SDK1: variants seen among roughly 807,000 people sequenced by gnomAD.
SDK1 encodes protein sidekick-1.
SDK1 carries 157 observed loss-of-function variants against 245.5 expected under a neutral mutation model. The observed-to-expected ratio is 0.64, with a 90% CI of 0.56 to 0.73. The LOEUF (loss-of-function observed/expected upper bound fraction) is 0.73. Ranked by LOEUF, SDK1 falls within the 30% of genes least tolerant of loss-of-function variation. SDK1 has a pLI of 0.00. For missense variants in SDK1, 3,583 were observed against 3,002.3 expected (o/e 1.19, Z -4.52); for synonymous variants, 1,647 against 1,278.5 (o/e 1.29, Z -6.15).
chr7:3,747,412 CA>C (rs142290178), intron 4 of SDK1, among the ~76,000 whole-genome samples: 7,882 of 152,210 alleles, frequency 0.052, 587 homozygotes, highest in African/African-American at 0.17. Context: ...GTGTATGTAA[CA>C]TTCTGACAGT....
rs73294214 is a variant in SDK1, at chr7:3,364,873, C to T, written c.298+62989C>T. On this transcript the variant is annotated intron_variant, in intron 1 of 44. Coordinates refer to ENST00000404826, the MANE Select transcript of SDK1 (RefSeq NM_152744.4). The stretch of plus-strand genomic sequence containing the variant: ...ATCTTTGGAAGAATTGACATCTTTA[C>T]TGTGTTGAGTCTTCCAATCTATGAA... 5.9e-3 allele frequency among the ~76,000 whole-genome samples: 903 copies of T among 152,230 alleles called. 10 individuals carry two copies. Among genetic ancestry groups the T allele is most frequent in the African/African-American group, 0.021 (874 of 41,528 alleles).
chr7:3,868,718 T>C (rs1241054211), intron 5 of SDK1, among the ~76,000 whole-genome samples: 1 of 152,192 alleles, frequency 6.6e-6, no homozygotes, highest in Non-Finnish European at 1.5e-5. Flanking sequence ...CACCTTTTAT[T>C]GTGTGTCTTC....
intron 5 of SDK1, among the ~76,000 whole-genome samples, chr7:3,949,684 A>G (rs1406357777): frequency 6.6e-6 from 1 of 152,220 alleles, no homozygotes; most frequent in Non-Finnish European, 1.5e-5. Flanking sequence ...AGTAAAGTGT[A>G]CTGTGGGTAG....
At chr7:3,915,712 C>G (rs968105884) in intron 5 of SDK1, among the ~76,000 whole-genome samples, 2 of 152,134 alleles carry the variant, frequency 1.3e-5, no homozygotes, top group African/African-American at 2.4e-5. Context: ...CCCTCTGTGG[C>G]TGACTCCAAG....
In SDK1 at chr7:4,027,983, GAAGA is replaced by G. The variant is rs1336108108; in HGVS notation, c.2602+10639_2602+10642del. Among the ~76,000 whole-genome samples the G allele has an allele frequency of 3.9e-5, 6 of 151,914 alleles. No individual in the cohort carries two copies. In the East Asian group the frequency reaches 7.8e-4, roughly 20 times the overall value. On this transcript the variant is annotated intron_variant, in intron 17 of 44. Transcript: ENST00000404826. ...GAATGGAGGAGGGGAGGGAGAGAGG[GAAGA>G]AAGAAAGGAGCAGAGAGGAAGGTAG... is the stretch of plus-strand genomic sequence containing the variant.
chr7:4,100,958 C>T (rs1391741373), intron 22 of SDK1, among the ~76,000 whole-genome samples: 1 of 152,162 alleles, frequency 6.6e-6, no homozygotes, highest in Non-Finnish European at 1.5e-5. Flanking sequence ...GAGGCCTGCC[C>T]CAGGCTGAAC....
chr7:3,374,770 C>G (rs1250703080), intron 1 of SDK1, among the ~76,000 whole-genome samples: 1 of 152,138 alleles, frequency 6.6e-6, no homozygotes, highest in Non-Finnish European at 1.5e-5. Context: ...GTCTCAGATT[C>G]AGTAATATTT....
chr7:3,336,934 G>A (rs1033933260), intron 1 of SDK1, among the ~76,000 whole-genome samples: 1 of 152,182 alleles, frequency 6.6e-6, no homozygotes, highest in African/African-American at 2.4e-5. Flanking sequence ...TGGTATTAAT[G>A]CCTTTTTAGC....
At chr7:3,484,637 A>G (rs1477373646) in intron 1 of SDK1, among the ~76,000 whole-genome samples, 1 of 152,122 alleles carries the variant, frequency 6.6e-6, no homozygotes, top group African/African-American at 2.4e-5. Flanking sequence ...TTGTATCCAT[A>G]ACCAACCTCG....
chr7:3,480,656 A>T (rs1379797195), intron 1 of SDK1, among the ~76,000 whole-genome samples: 1 of 152,176 alleles, frequency 6.6e-6, no homozygotes, highest in African/African-American at 2.4e-5. Flanking sequence ...GTTTGGATAT[A>T]CCTATGGGTC....
At chr7:3,509,685 C>A (rs528244895) in intron 1 of SDK1, among the ~76,000 whole-genome samples, 110 of 152,312 alleles carry the variant, frequency 7.2e-4, no homozygotes, top group African/African-American at 2.6e-3. Context: ...CAACACTTAA[C>A]CTCTGTTTAA....
intron 4 of SDK1, among the ~76,000 whole-genome samples, chr7:3,794,590 C>T (rs1200207857): frequency 2.0e-5 from 3 of 152,100 alleles, no homozygotes; most frequent in South Asian, 2.1e-4. Context: ...GAAGAGGGAC[C>T]TAAGTTCGCA....
intron 1 of SDK1, among the ~76,000 whole-genome samples, chr7:3,359,141 T>C (rs1780886483): frequency 6.6e-6 from 1 of 152,138 alleles, no homozygotes; most frequent in Non-Finnish European, 1.5e-5. Context: ...GAGTCCCATT[T>C]GGTGCTTTTC....
intron 1 of SDK1, among the ~76,000 whole-genome samples, chr7:3,609,146 T>C (rs1442808308): frequency 6.6e-6 from 1 of 152,212 alleles, no homozygotes; most frequent in Non-Finnish European, 1.5e-5. Context: ...TTTTAAGGAA[T>C]TAATAACTTT....
chr7:3,632,891 C>T (rs1782340761), intron 2 of SDK1, among the ~76,000 whole-genome samples: 1 of 152,092 alleles, frequency 6.6e-6, no homozygotes, highest in Non-Finnish European at 1.5e-5. Flanking sequence ...TTTTTCATTT[C>T]ATTATTTTGC....
Position 4,266,251 on chromosome 7 carries a change from A to T in SDK1, c.*867A>T. ...GGAAGCGTGCATTGTTAACCAGAGTATTTTTAAAATCTTTTTATCTTTTTT... is the reference window on the plus strand; with the variant it reads ...GGAAGCGTGCATTGTTAACCAGAGTTTTTTTAAAATCTTTTTATCTTTTTT... On this transcript the variant is annotated 3_prime_UTR_variant, in exon 45 of 45. Transcript: ENST00000404826. 1.0e-5 allele frequency: 10 copies of T among 985,376 alleles called. No individual in the cohort carries two copies. Among genetic ancestry groups the T allele is most frequent in the Non-Finnish European group, 1.1e-5 (9 of 829,860 alleles). The allele number at this position is 985,376 out of a possible 1,614,324, so 61.0% of individuals were successfully genotyped here.
chr7:3,425,990 T>C (rs1198278280), intron 1 of SDK1, among the ~76,000 whole-genome samples: 1 of 152,236 alleles, frequency 6.6e-6, no homozygotes, highest in Non-Finnish European at 1.5e-5. Flanking sequence ...AATCTGTAAA[T>C]GGCAACTTAT....
chr7:3,680,215 G>C (rs1199069564), intron 4 of SDK1, among the ~76,000 whole-genome samples: 1 of 152,162 alleles, frequency 6.6e-6, no homozygotes, highest in Non-Finnish European at 1.5e-5. Context: ...GACTGTGTGA[G>C]TCCATTTATA....
intron 4 of SDK1, among the ~76,000 whole-genome samples, chr7:3,704,166 T>G (rs1784820300): frequency 6.6e-6 from 1 of 152,174 alleles, no homozygotes; most frequent in South Asian, 2.1e-4. Flanking sequence ...CCTGAGTTAC[T>G]TCACTTGGAA....
Sources: gnomAD v4.1 joint callset for allele counts (sites outside exome capture counted in the v4.1 genomes callset) on GRCh38, gnomAD v4.1.1 for gene constraint, MANE v1.5 for transcripts, NCBI Gene and HGNC (gene_info 2026-07-23, HGNC 2026-07-21) for gene names.